Variants in PDS5B observed in about 807,000 individuals in gnomAD.
PDS5B encodes the protein sister chromatid cohesion protein PDS5 homolog B.
A neutral mutation model predicts 184.1 loss-of-function variants in PDS5B; 51 were observed. The ratio of observed to expected loss-of-function variants is 0.28; its 90% CI spans 0.22 to 0.35. The LOEUF (loss-of-function observed/expected upper bound fraction) is 0.35. Ranked by LOEUF, PDS5B falls within the 10% of genes least tolerant of loss-of-function variation. PDS5B has a pLI of 1.00. For missense variants in PDS5B, 1,180 were observed against 1,723.3 expected (o/e 0.68, Z 5.58); for synonymous variants, 566 against 569.2 (o/e 0.99, Z 0.08).
At chr13:32,637,976 A>G (rs1403088436) in intron 1 of PDS5B, among the ~76,000 whole-genome samples, 1 of 152,150 alleles carries the variant, frequency 6.6e-6, no homozygotes. Context: ...GGGTGGTTCT[A>G]CTGATCTGGA....
Position 32,678,966 on chromosome 13 carries a change from C to T in PDS5B, c.1057+37C>T, listed in dbSNP as rs578107505. On this transcript the variant is annotated intron_variant, in intron 10 of 34. Transcript: ENST00000315596. ...ATGTAACAGCAAATATTCTTACGTG[C>T]TCTTCAGTGGAAAAAAATAAGTTTC... is the stretch of plus-strand genomic sequence containing the variant. 46 of 1,113,172 alleles carry T rather than the reference C, an allele frequency of 4.1e-5. No individual in the cohort carries two copies. The South Asian group carries it at 4.8e-4, about 12-fold the overall frequency. The allele number at this position is 1,113,172 out of a possible 1,614,324, so 69.0% of individuals were successfully genotyped here.
chr13:32,692,299 G>A (rs1399617410), intron 13 of PDS5B, among the ~76,000 whole-genome samples: 1 of 150,808 alleles, frequency 6.6e-6, no homozygotes, highest in African/African-American at 2.4e-5. Flanking sequence ...AGAACAGTGT[G>A]TACTTCCACC....
chr13:32,658,761 C>T (rs1950576244), intron 5 of PDS5B, among the ~76,000 whole-genome samples: 1 of 152,018 alleles, frequency 6.6e-6, no homozygotes, highest in Non-Finnish European at 1.5e-5. Flanking sequence ...TTTTGGATTG[C>T]ATTATTTGTC....
At chr13:32,763,325 A>G (rs1345856814) in intron 30 of PDS5B, 2 of 152,738 alleles carry the variant, frequency 1.3e-5, no homozygotes, top group African/African-American at 4.8e-5. Context: ...AGAATGTACT[A>G]TAGAGGAGCT....
At chr13:32,692,296 T>C (rs1413145475) in intron 13 of PDS5B, among the ~76,000 whole-genome samples, 1 of 151,904 alleles carries the variant, frequency 6.6e-6, no homozygotes, top group Non-Finnish European at 1.5e-5. Context: ...AAGAGAACAG[T>C]GTGTACTTCC....
At chr13:32,746,273 G>A (rs971707874) in intron 24 of PDS5B, among the ~76,000 whole-genome samples, 173 bp downstream of exon 24, 1 of 152,130 alleles carries the variant, frequency 6.6e-6, no homozygotes, top group African/African-American at 2.4e-5. Flanking sequence ...TGAGTTTTGG[G>A]TTGCTAACAT....
At chr13:32,619,681 C>T (rs2058268188) in intron 1 of PDS5B, among the ~76,000 whole-genome samples, 1 of 151,972 alleles carries the variant, frequency 6.6e-6, no homozygotes, top group Non-Finnish European at 1.5e-5. Flanking sequence ...AGGAATTTTC[C>T]AGCTCTATTA....
intron 6 of PDS5B, among the ~76,000 whole-genome samples, chr13:32,667,520 G>T (rs766025362): frequency 1.3e-5 from 2 of 152,060 alleles, no homozygotes; most frequent in Non-Finnish European, 2.9e-5. Context: ...GACCATTTCT[G>T]TGTGGTTTAC....
chr13:32,640,712 T>G (rs1433851920), intron 1 of PDS5B, among the ~76,000 whole-genome samples: 1 of 152,030 alleles, frequency 6.6e-6, no homozygotes, highest in Non-Finnish European at 1.5e-5. Context: ...TACTATTAAT[T>G]GGTGGTAAAT....
At chr13:32,711,254 T>C (rs1479364923) in intron 19 of PDS5B, among the ~76,000 whole-genome samples, 2 of 152,066 alleles carry the variant, frequency 1.3e-5, no homozygotes, top group African/African-American at 4.8e-5. Context: ...CCTCCCAAAG[T>C]GCTGGGATTA....
At chr13:32,662,409 G>A (rs1299353294) in intron 6 of PDS5B, among the ~76,000 whole-genome samples, 3 of 151,820 alleles carry the variant, frequency 2.0e-5, no homozygotes, top group Non-Finnish European at 4.4e-5. Context: ...TAAAAATATT[G>A]AGGATTTGAA....
chr13:32,741,182 A>G (rs376580731), intron 22 of PDS5B, 34 bp downstream of exon 22: 112 of 1,073,232 alleles, frequency 1.0e-4, no homozygotes, highest in Non-Finnish European at 1.5e-4. Flanking sequence ...TGATTTTAAT[A>G]TAATCACCAC....
chr13:32,632,213 C>G (rs918504832), intron 1 of PDS5B, among the ~76,000 whole-genome samples: 4 of 152,028 alleles, frequency 2.6e-5, no homozygotes, highest in African/African-American at 9.7e-5. Context: ...TTTTCTGCAT[C>G]AAAGGACATA....
intron 19 of PDS5B, among the ~76,000 whole-genome samples, chr13:32,725,455 C>T (rs914234377): frequency 2.0e-5 from 3 of 152,064 alleles, no homozygotes; most frequent in Non-Finnish European, 2.9e-5. Flanking sequence ...CCAGGACTAT[C>T]TTGCACTTGT....
chr13:32,617,073 A>G (rs1470909915), intron 1 of PDS5B, among the ~76,000 whole-genome samples: 1 of 152,212 alleles, frequency 6.6e-6, no homozygotes, highest in African/African-American at 2.4e-5. Context: ...CTCTCCCAGT[A>G]GTGAGACAGT....
At chr13:32,718,413 G>T (rs1377913876) in intron 19 of PDS5B, among the ~76,000 whole-genome samples, 1 of 152,120 alleles carries the variant, frequency 6.6e-6, no homozygotes, top group Admixed American at 6.5e-5. Context: ...GCCTCCCAAG[G>T]TACTGGGATT....
At chr13:32,669,972 A>C (rs1015098962) in intron 7 of PDS5B, among the ~76,000 whole-genome samples, 2 of 152,176 alleles carry the variant, frequency 1.3e-5, no homozygotes, top group Non-Finnish European at 2.9e-5. Flanking sequence ...TCAGTCTTAG[A>C]AATCATTCTT....
At chr13:32,759,288 T>A (rs1382251363) in intron 28 of PDS5B, among the ~76,000 whole-genome samples, 1 of 152,186 alleles carries the variant, frequency 6.6e-6, no homozygotes, top group Non-Finnish European at 1.5e-5. Context: ...CCTGTAGGAT[T>A]GCTCAGTAGC....
chr13:32,744,309 A>G (rs986017111), intron 23 of PDS5B, among the ~76,000 whole-genome samples: 1 of 152,158 alleles, frequency 6.6e-6, no homozygotes, highest in African/African-American at 2.4e-5. Context: ...TGTTTTGTGG[A>G]ACCCATATGA....
Sources: gnomAD v4.1 joint callset for allele counts (sites outside exome capture counted in the v4.1 genomes callset) on GRCh38, gnomAD v4.1.1 for gene constraint, MANE v1.5 for transcripts, NCBI Gene and HGNC (gene_info 2026-07-23, HGNC 2026-07-21) for gene names.